The following KLF12 variants were observed in gnomAD, a reference collection of about 807,000 sequenced individuals.
KLF12 encodes the protein Krueppel-like factor 12.
KLF12 carries 9 observed loss-of-function variants against 37.8 expected under a neutral mutation model. That is an observed-to-expected ratio of 0.24 (90% CI 0.14 to 0.42). The LOEUF is 0.42. KLF12 is among the 10% of genes least tolerant of loss of function. The pLI is 1.00. For synonymous variants in KLF12, 208 were observed against 202.1 expected, an observed-to-expected ratio of 1.03 and a Z score of -0.25; for missense variants, 411 against 516.0, an observed-to-expected ratio of 0.80 and a Z score of 1.97.
chr13:73,847,062 G>A (rs1386530294), intron 3 of KLF12, among the ~76,000 whole-genome samples: 1 of 152,048 alleles, frequency 6.6e-6, no homozygotes, highest in Non-Finnish European at 1.5e-5. Flanking sequence ...AAGTTTTAAT[G>A]AGCAAAATTT....
intron 1 of KLF12, among the ~76,000 whole-genome samples, chr13:74,075,958 C>A (rs527402474): frequency 6.6e-6 from 1 of 152,218 alleles, no homozygotes; most frequent in South Asian, 2.1e-4. Flanking sequence ...TTATAATTAC[C>A]TATACTTTCT....
chr13:73,828,656 C>G (rs1416592844), intron 4 of KLF12, among the ~76,000 whole-genome samples: 4 of 152,146 alleles, frequency 2.6e-5, no homozygotes, highest in South Asian at 4.1e-4. Context: ...CCTTCATGCC[C>G]AAAACTTTAA....
intron 1 of KLF12, among the ~76,000 whole-genome samples, chr13:74,061,622 G>A (rs1465344235): frequency 6.6e-6 from 1 of 152,074 alleles, no homozygotes; most frequent in Admixed American, 6.6e-5. Flanking sequence ...CCAAGTTCTA[G>A]CAAATAATGA....
At chr13:74,237,902 T>C in the KLF12 span, among the ~76,000 whole-genome samples, 1 of 152,024 alleles carries the variant, frequency 6.6e-6, no homozygotes, top group Non-Finnish European at 1.5e-5. Flanking sequence ...CAATTTGACT[T>C]CCTCTTTTCC....
chr13:73,854,860 C>G (rs1281493386), intron 3 of KLF12, among the ~76,000 whole-genome samples: 3 of 152,168 alleles, frequency 2.0e-5, no homozygotes, highest in Non-Finnish European at 4.4e-5. Flanking sequence ...GTTGAATCCG[C>G]AGATGTGGAA....
At chr13:73,709,804 A>T (rs1386338486) in intron 7 of KLF12, among the ~76,000 whole-genome samples, 1 of 152,138 alleles carries the variant, frequency 6.6e-6, no homozygotes, top group African/African-American at 2.4e-5. Flanking sequence ...AGCTAGGTGG[A>T]TTCTGGCTAC....
intron 1 of KLF12, among the ~76,000 whole-genome samples, chr13:74,035,417 G>A (rs545499018): frequency 2.2e-4 from 34 of 152,306 alleles, no homozygotes; most frequent in Middle Eastern, 6.8e-3. Flanking sequence ...CTGCACCACT[G>A]CAAGAATGAT....
chr13:73,972,062 A>T (rs920913441), intron 2 of KLF12, among the ~76,000 whole-genome samples: 5 of 152,238 alleles, frequency 3.3e-5, no homozygotes, highest in Non-Finnish European at 5.9e-5. Flanking sequence ...GCTCAGGAAA[A>T]GAAATGCCAA....
At chr13:74,239,880 G>A in the KLF12 span, among the ~76,000 whole-genome samples, 1 of 151,668 alleles carries the variant, frequency 6.6e-6, no homozygotes, top group African/African-American at 2.4e-5. Context: ...ACACTGATGG[G>A]TCTTGACTCT....
rs139459185 is a variant in KLF12 at position 73,869,668 on chromosome 13, C to T, written c.124-23295G>A. On this transcript the variant is annotated intron_variant, in intron 3 of 7. Coordinates refer to ENST00000377669, the MANE Select transcript of KLF12 (RefSeq NM_007249.5). ...TGCTGAGTATATATAATATACTCAG[C>T]ATATAACATAGTTCCTGGTAACTTG... is the stretch of plus-strand genomic sequence containing the variant. Among the ~76,000 whole-genome samples the T allele has an allele frequency of 9.5e-4, 144 of 151,602 alleles. 2 individuals carry two copies. Among genetic ancestry groups the T allele is most frequent in the African/African-American group, 3.3e-3 (137 of 41,420 alleles).
intron 2 of KLF12, among the ~76,000 whole-genome samples, chr13:73,966,182 T>G (rs185865987): frequency 6.6e-5 from 10 of 152,338 alleles, no homozygotes; most frequent in Non-Finnish European, 1.2e-4. Context: ...TTCTGAAAGA[T>G]GTAGAAATGT....
chr13:73,895,941 C>T (rs1566444284), intron 3 of KLF12, among the ~76,000 whole-genome samples: 1 of 152,006 alleles, frequency 6.6e-6, no homozygotes, highest in African/African-American at 2.4e-5. Flanking sequence ...CTACCTCAGC[C>T]TCCCTTGTAG....
At chr13:74,040,479 C>T (rs1436722138) in intron 1 of KLF12, among the ~76,000 whole-genome samples, 1 of 152,152 alleles carries the variant, frequency 6.6e-6, no homozygotes, top group Non-Finnish European at 1.5e-5. Context: ...ACCTGGGGAG[C>T]CTCCATTGTA....
At chr13:74,123,467 G>C (rs1046194442) in intron 1 of KLF12, among the ~76,000 whole-genome samples, 2 of 152,180 alleles carry the variant, frequency 1.3e-5, no homozygotes, top group African/African-American at 4.8e-5. Context: ...CTTCTTTCTT[G>C]ATCTGCCTAC....
At chr13:74,184,677 C>T in the KLF12 span, among the ~76,000 whole-genome samples, 3 of 152,140 alleles carry the variant, frequency 2.0e-5, no homozygotes, top group Non-Finnish European at 4.4e-5. Context: ...AAGCTCAGTG[C>T]AATCTACAGT....
At chr13:73,886,672 A>G (rs1182530213) in intron 3 of KLF12, among the ~76,000 whole-genome samples, 1 of 152,162 alleles carries the variant, frequency 6.6e-6, no homozygotes, top group African/African-American at 2.4e-5. Context: ...TCCATTGGAT[A>G]CTTCAAAATG....
chr13:74,006,327 G>GT (rs1484197482), intron 1 of KLF12, among the ~76,000 whole-genome samples: 2 of 152,036 alleles, frequency 1.3e-5, no homozygotes, highest in African/African-American at 2.4e-5. Context: ...CCCTACAGAG[G>GT]TATCTTCCAA....
rs1054392055 is a variant in KLF12 at position 73,688,028 on chromosome 13, T to C, written c.*7462A>G. 1 of 152,448 alleles carries C rather than the reference T, an allele frequency of 6.6e-6. No homozygotes were observed. The highest frequency in any genetic ancestry group is 1.5e-5 in the Non-Finnish European group (1 of 68,020). The allele number at this position is 152,448 out of a possible 1,614,324, so 9.4% of individuals were successfully genotyped here. ...GCACATGGAACACTTGCTTTGAGCA[T>C]GGAAGAGAATTTGTTTATACAGCTT... On this transcript the variant is annotated 3_prime_UTR_variant, in exon 8 of 8. Coordinates refer to ENST00000377669, the MANE Select transcript of KLF12 (RefSeq NM_007249.5).
intron 6 of KLF12, among the ~76,000 whole-genome samples, chr13:73,741,338 G>A (rs894369878): frequency 3.9e-5 from 6 of 152,114 alleles, no homozygotes; most frequent in Admixed American, 3.9e-4. Context: ...CTGACCCCGG[G>A]AGAGCTACAC....
Sources: gnomAD v4.1 joint callset for allele counts (sites outside exome capture counted in the v4.1 genomes callset) on GRCh38, gnomAD v4.1.1 for gene constraint, MANE v1.5 for transcripts, NCBI Gene and HGNC (gene_info 2026-07-23, HGNC 2026-07-21) for gene names.